The following TEX9 variants were observed in gnomAD, a reference collection of about 807,000 sequenced individuals.
The protein encoded by TEX9 is testis-expressed protein 9.
A neutral mutation model predicts 59.6 loss-of-function variants in TEX9; 74 were observed. That is an observed-to-expected ratio of 1.24 (90% CI 1.03 to 1.51). TEX9 has a LOEUF of 1.51. Ranked by LOEUF, TEX9 falls within the 40% of genes most tolerant of loss-of-function variation. TEX9 has a pLI of 0.00. For synonymous variants in TEX9, 186 were observed against 152.2 expected (o/e 1.22, Z -1.64); for missense variants, 522 against 447.8 (o/e 1.17, Z -1.49).
At chr15:56,446,302 T>G (rs950541968), downstream of TEX9, among the ~76,000 whole-genome samples, 1 of 151,976 alleles carries the variant, frequency 6.6e-6, no homozygotes, top group Non-Finnish European at 1.5e-5. Flanking sequence ...CTATTATATA[T>G]TCATACAGCA....
intron 1 of TEX9, among the ~76,000 whole-genome samples, chr15:56,326,522 G>A (rs1331643735): frequency 2.0e-5 from 3 of 152,074 alleles, no homozygotes; most frequent in South Asian, 4.1e-4. Context: ...GAAATTACAG[G>A]TAACTATCTT....
At chr15:56,419,714 T>G (rs1344613579) in intron 10 of TEX9, among the ~76,000 whole-genome samples, 1 of 151,844 alleles carries the variant, frequency 6.6e-6, no homozygotes, top group African/African-American at 2.4e-5. Flanking sequence ...TATACATTAT[T>G]TTCATCTTTA....
At position 56,434,362 on chromosome 15, in the gene TEX9, C is replaced by T. The variant is rs1281276984; in HGVS notation, c.*29+5889C>T. 3 of 1,612,680 alleles carry T rather than the reference C, an allele frequency of 1.9e-6. No individual in the cohort carries two copies. The African/African-American group carries it at 4.0e-5, about 22-fold the overall frequency. Reference sequence around the variant, plus strand: ...TGTTCTTCAAAATCTTGCTTCATCTCTTTTTGCTTTCTCAATTTCTTTTCT... The same window carrying T: ...TGTTCTTCAAAATCTTGCTTCATCTTTTTTTGCTTTCTCAATTTCTTTTCT... On this transcript the variant is annotated intron_variant, in intron 12 of 12. Coordinates refer to ENST00000352903, the Ensembl canonical transcript of TEX9.
At chr15:56,259,340 C>G (rs2044213305) in intron 1 of TEX9, among the ~76,000 whole-genome samples, 1 of 151,930 alleles carries the variant, frequency 6.6e-6, no homozygotes, top group African/African-American at 2.4e-5. Flanking sequence ...TACTATCTGT[C>G]CCTTTACAGA....
intron 1 of TEX9, among the ~76,000 whole-genome samples, chr15:56,289,385 A>G (rs1596067753): frequency 6.6e-6 from 1 of 152,082 alleles, no homozygotes; most frequent in Non-Finnish European, 1.5e-5. Context: ...CTGTGGAAAG[A>G]TCTTCCCCTA....
chr15:56,275,854 T>C (rs1379681318), intron 1 of TEX9, among the ~76,000 whole-genome samples: 1 of 152,152 alleles, frequency 6.6e-6, no homozygotes, highest in Non-Finnish European at 1.5e-5. Flanking sequence ...GTAGTTCTGC[T>C]TGCAATAAAT....
At chr15:56,325,873 T>G (rs1370836465) in intron 1 of TEX9, among the ~76,000 whole-genome samples, 8 of 152,204 alleles carry the variant, frequency 5.3e-5, no homozygotes, top group African/African-American at 1.9e-4. Context: ...TCTTCCCACC[T>G]CTACGTTTTG....
At chr15:56,365,371 G>C (rs1398110026), upstream of TEX9, 2 of 1,541,228 alleles carry the variant, frequency 1.3e-6, no homozygotes, top group African/African-American at 2.8e-5. Flanking sequence ...GTAGGCGCCC[G>C]GGCGGGAGGC....
At chr15:56,425,303 T>C (rs2050188127) in intron 10 of TEX9, among the ~76,000 whole-genome samples, 2 of 152,204 alleles carry the variant, frequency 1.3e-5, no homozygotes, top group Non-Finnish European at 2.9e-5. Context: ...TTTTCAGCTA[T>C]TCTTCAAATA....
chr15:56,426,024 G>C (rs563597107), intron 10 of TEX9, among the ~76,000 whole-genome samples: 94 of 152,230 alleles, frequency 6.2e-4, no homozygotes, highest in African/African-American at 2.2e-3. Flanking sequence ...TCTTCTCAGA[G>C]ATTTAGATGC....
In TEX9 at chr15:56,389,402, T is replaced by G. The variant is rs780598936; in HGVS notation, c.395+2T>G. The G allele has an allele frequency of 1.3e-6, 2 of 1,589,182 alleles. No individual in the cohort carries two copies. Among genetic ancestry groups the G allele is most frequent in the Non-Finnish European group, 1.7e-6 (2 of 1,160,686 alleles). ...TAAAGGAAGGAAAACAAATTCAAGG[T>G]ATAGTATAGTTTTCAAAGTATTTCT... is the stretch of plus-strand genomic sequence containing the variant. On this transcript the variant is annotated splice_donor_variant, in intron 6 of 12. Transcript: ENST00000352903. LOFTEE classifies it high-confidence loss of function.
chr15:56,349,938 T>C (rs2046545553), intron 1 of TEX9, among the ~76,000 whole-genome samples: 1 of 152,136 alleles, frequency 6.6e-6, no homozygotes, highest in African/African-American at 2.4e-5. Context: ...CATCTGTTCA[T>C]TTGTCAAGAA....
At chr15:56,291,069 T>C (rs1421040725) in intron 1 of TEX9, among the ~76,000 whole-genome samples, 1 of 152,164 alleles carries the variant, frequency 6.6e-6, no homozygotes, top group African/African-American at 2.4e-5. Context: ...GTAAACCAAG[T>C]CCCAATTGAA....
At chr15:56,248,150 G>T (rs2043908568) in intron 1 of TEX9, among the ~76,000 whole-genome samples, 1 of 152,182 alleles carries the variant, frequency 6.6e-6, no homozygotes, top group African/African-American at 2.4e-5. Context: ...AGAGAGAAGA[G>T]GATGTGGGAG....
intron 1 of TEX9, among the ~76,000 whole-genome samples, chr15:56,316,577 G>C (rs2460645): frequency 0.91 from 137,740 of 151,602 alleles, 63,771 homozygotes; most frequent in Non-Finnish European, 1. Context: ...GACATTTAAG[G>C]CTGCAGAGGT....
chr15:56,318,482 T>C (rs1296987309), intron 1 of TEX9, among the ~76,000 whole-genome samples: 1 of 152,140 alleles, frequency 6.6e-6, no homozygotes, highest in East Asian at 1.9e-4. Context: ...ATTGGAGTGG[T>C]TTTTCCACTA....
chr15:56,302,572 A>C (rs1475478022), intron 1 of TEX9, among the ~76,000 whole-genome samples: 1 of 152,096 alleles, frequency 6.6e-6, no homozygotes, highest in Non-Finnish European at 1.5e-5. Flanking sequence ...AAAAGTAAAA[A>C]GCAAGAAAGT....
intron 1 of TEX9, among the ~76,000 whole-genome samples, chr15:56,316,443 C>T (rs1346959002): frequency 7.0e-6 from 1 of 142,880 alleles, no homozygotes; most frequent in African/African-American, 2.5e-5. Context: ...GCTGGGGGTG[C>T]CTCCCAGTTA....
intron 1 of TEX9, among the ~76,000 whole-genome samples, chr15:56,354,415 T>C (rs1188191429): frequency 6.6e-6 from 1 of 152,162 alleles, no homozygotes; most frequent in African/African-American, 2.4e-5. Flanking sequence ...GCCCTTTAAT[T>C]GTAAAAGCAA....
Sources: allele counts gnomAD v4.1 joint callset (sites outside exome capture counted in the v4.1 genomes callset), GRCh38; gene constraint gnomAD v4.1.1; transcripts MANE v1.5; gene names NCBI Gene and HGNC (gene_info 2026-07-23, HGNC 2026-07-21).